THSD7B: variants seen among roughly 807,000 people sequenced by gnomAD.
THSD7B encodes thrombospondin type 1 domain containing 7B, also known as thrombospondin type-1 domain-containing protein 7B.
A neutral mutation model predicts 213.6 loss-of-function variants in THSD7B; 138 were observed. The ratio of observed to expected loss-of-function variants is 0.65; its 90% CI spans 0.56 to 0.74. The LOEUF is 0.74. Ranked by LOEUF, THSD7B falls within the 30% of genes least tolerant of loss-of-function variation. The pLI is 0.00. For synonymous variants in THSD7B, 742 were observed against 687.0 expected, an observed-to-expected ratio of 1.08 and a Z score of -1.25; for missense variants, 1,931 against 1,991.5, an observed-to-expected ratio of 0.97 and a Z score of 0.58.
chr2:136,980,311 A>G (rs948210292), intron 2 of THSD7B, among the ~76,000 whole-genome samples: 3 of 152,132 alleles, frequency 2.0e-5, no homozygotes, highest in Non-Finnish European at 2.9e-5. Context: ...GCTGGGGGGA[A>G]TCTTGGCTAG....
At chr2:136,893,029 G>A (rs1381347722) in intron 2 of THSD7B, among the ~76,000 whole-genome samples, 1 of 152,122 alleles carries the variant, frequency 6.6e-6, no homozygotes, top group East Asian at 1.9e-4. Context: ...TTTCAGTGGA[G>A]TATTAGCAGG....
intron 12 of THSD7B, among the ~76,000 whole-genome samples, chr2:137,399,400 C>T (rs1686298591): frequency 6.6e-6 from 1 of 151,988 alleles, no homozygotes; most frequent in Non-Finnish European, 1.5e-5. Flanking sequence ...ACCATGTTGG[C>T]CAAGCTGGTC....
chr2:137,078,973 A>G (rs1687688343), intron 3 of THSD7B, among the ~76,000 whole-genome samples: 1 of 152,136 alleles, frequency 6.6e-6, no homozygotes, highest in East Asian at 1.9e-4. Context: ...TGTTTGTGAT[A>G]TTTCTATTTT....
chr2:137,564,587 G>A (rs1034304667), intron 16 of THSD7B, among the ~76,000 whole-genome samples: 24 of 152,094 alleles, frequency 1.6e-4, no homozygotes, highest in African/African-American at 5.6e-4. Flanking sequence ...GACCAACCTA[G>A]CTTGTAAAGT....
chr2:137,344,066 C>CAA (rs1332924410), intron 12 of THSD7B, among the ~76,000 whole-genome samples: 1 of 151,690 alleles, frequency 6.6e-6, no homozygotes, highest in Non-Finnish European at 1.5e-5. Context: ...GTATTGGCCG[C>CAA]ATTAGATTCT....
rs1330752851 is a variant in THSD7B, at chr2:137,233,183, T to G, written c.2150+50T>G. On this transcript the variant is annotated intron_variant, in intron 9 of 27. Coordinates refer to ENST00000409968, the MANE Select transcript of THSD7B (RefSeq NM_001316349.2). ...ATGCATTTGCTTATTTCATGTTGAG[T>G]ATTTTTAGTTGAAAGCATTTATCAA... 3 of 1,508,764 alleles carry G rather than the reference T, an allele frequency of 2.0e-6. No individual in the cohort carries two copies. In the Admixed American group the frequency reaches 5.8e-5, roughly 29 times the overall value. The allele number at this position is 1,508,764 out of a possible 1,614,324, so 93.5% of individuals were successfully genotyped here.
At chr2:137,313,035 G>C (rs1397562746) in intron 12 of THSD7B, among the ~76,000 whole-genome samples, 1 of 150,954 alleles carries the variant, frequency 6.6e-6, no homozygotes, top group Non-Finnish European at 1.5e-5. Context: ...GCTTGGTGCA[G>C]AGCTGAGTTC....
At chr2:137,488,686 AG>A (rs1688529888) in intron 15 of THSD7B, among the ~76,000 whole-genome samples, 1 of 152,258 alleles carries the variant, frequency 6.6e-6, no homozygotes, top group South Asian at 2.1e-4. Flanking sequence ...AAGATGAAGA[AG>A]CTAAGGCATC....
intron 1 of THSD7B, among the ~76,000 whole-genome samples, chr2:136,789,484 A>G (rs548113474): frequency 6.6e-6 from 1 of 152,224 alleles, no homozygotes; most frequent in South Asian, 2.1e-4. Flanking sequence ...TGTGCATGCT[A>G]GGAACATTCG....
At chr2:136,979,505 C>A (rs909636966) in intron 2 of THSD7B, among the ~76,000 whole-genome samples, 2 of 152,002 alleles carry the variant, frequency 1.3e-5, no homozygotes, top group East Asian at 1.9e-4. Context: ...TATTCTTTTT[C>A]TCTAATCTTG....
intron 12 of THSD7B, among the ~76,000 whole-genome samples, chr2:137,319,285 T>C (rs1684209590): frequency 6.6e-6 from 1 of 151,868 alleles, no homozygotes; most frequent in Non-Finnish European, 1.5e-5. Flanking sequence ...ACCATCCATG[T>C]GGCTTTAGAA....
At chr2:137,187,303 A>C (rs13028427) in intron 7 of THSD7B, among the ~76,000 whole-genome samples, 7,018 of 152,196 alleles carry the variant, frequency 0.046, 198 homozygotes, top group Admixed American at 0.069. Flanking sequence ...AGAGTGTTTC[A>C]CAAAGGAATG....
intron 14 of THSD7B, among the ~76,000 whole-genome samples, chr2:137,416,897 AG>A (rs1686812404): frequency 1.3e-5 from 2 of 152,234 alleles, no homozygotes; most frequent in Non-Finnish European, 2.9e-5. Flanking sequence ...AGAATGCAGA[AG>A]GAATGATTTT....
At chr2:137,520,584 AT>A (rs1253208351) in intron 15 of THSD7B, among the ~76,000 whole-genome samples, 8 of 152,232 alleles carry the variant, frequency 5.3e-5, no homozygotes, top group Admixed American at 3.9e-4. Flanking sequence ...TGCTGGATAT[AT>A]TTTATGTCCA....
At chr2:137,199,214 T>C (rs1458487324) in intron 7 of THSD7B, among the ~76,000 whole-genome samples, 13 of 152,196 alleles carry the variant, frequency 8.5e-5, no homozygotes, top group East Asian at 1.9e-4. Flanking sequence ...TTAAAACAAA[T>C]GCTTTTCCCA....
At chr2:137,343,071 GTT>G (rs570246459) in intron 12 of THSD7B, among the ~76,000 whole-genome samples, 3 of 133,264 alleles carry the variant, frequency 2.3e-5, no homozygotes, top group African/African-American at 2.7e-5. Flanking sequence ...ATTCCCTTCT[GTT>G]TTTTTTTTTT....
At chr2:137,309,960 T>A (rs1186121559) in intron 12 of THSD7B, among the ~76,000 whole-genome samples, 29 of 152,008 alleles carry the variant, frequency 1.9e-4, no homozygotes, top group African/African-American at 6.5e-4. Context: ...AATGCTGCAA[T>A]AAACATACGT....
intron 21 of THSD7B, among the ~76,000 whole-genome samples, chr2:137,642,901 A>C (rs1024130216): frequency 1.3e-5 from 2 of 152,146 alleles, no homozygotes; most frequent in Admixed American, 1.3e-4. Context: ...CATCCTTAAG[A>C]ATTCTGTTAT....
intron 14 of THSD7B, among the ~76,000 whole-genome samples, chr2:137,426,562 A>G (rs974559762): frequency 1.3e-5 from 2 of 152,192 alleles, no homozygotes; most frequent in African/African-American, 4.8e-5. Flanking sequence ...CCAAGAATAC[A>G]CAATGGGGAA....
Sources: gnomAD v4.1 joint callset for allele counts (sites outside exome capture counted in the v4.1 genomes callset) on GRCh38, gnomAD v4.1.1 for gene constraint, MANE v1.5 for transcripts, NCBI Gene and HGNC (gene_info 2026-07-23, HGNC 2026-07-21) for gene names.